SEPTIN14: variants seen among roughly 807,000 people sequenced by gnomAD.
SEPTIN14 encodes the protein septin-14.
A neutral mutation model predicts 53.6 loss-of-function variants in SEPTIN14; 40 were observed. That is an observed-to-expected ratio of 0.75 (90% CI 0.58 to 0.97). The LOEUF is 0.97. SEPTIN14 is among the 50% of genes least tolerant of loss of function. The pLI is 0.00. For synonymous variants in SEPTIN14, 138 were observed against 166.8 expected, an observed-to-expected ratio of 0.83 and a Z score of 1.33; for missense variants, 471 against 508.2, an observed-to-expected ratio of 0.93 and a Z score of 0.70.
At position 55,841,277 on chromosome 7, in the gene SEPTIN14, T is replaced by C. The variant is rs548228335; in HGVS notation, c.558+1665A>G. On this transcript the variant is annotated intron_variant, in intron 5 of 9. Coordinates refer to ENST00000388975, the MANE Select transcript of SEPTIN14 (RefSeq NM_207366.3). The stretch of plus-strand genomic sequence containing the variant: ...TGTGCAGGTTTGTTACTTACATATA[T>C]TGAATATTAGTGAGGTTTTGGTCTC... Among the ~76,000 whole-genome samples the C allele has an allele frequency of 7.2e-5, 11 of 152,284 alleles. No homozygotes were observed. In the East Asian group the frequency reaches 2.1e-3, roughly 29 times the overall value.
At chr7:55,854,417 A>G (rs1584274541) in intron 2 of SEPTIN14, among the ~76,000 whole-genome samples, 1 of 151,796 alleles carries the variant, frequency 6.6e-6, no homozygotes, top group East Asian at 1.9e-4. Flanking sequence ...TTGCCATTTT[A>G]TACATTGTAC....
chr7:55,806,721 C>A (rs1297143979), intron 8 of SEPTIN14, among the ~76,000 whole-genome samples: 1 of 152,060 alleles, frequency 6.6e-6, no homozygotes, highest in Non-Finnish European at 1.5e-5. Context: ...CCTCAGCCTC[C>A]CAAAGTGCTG....
At position 55,829,511 on chromosome 7, in the gene SEPTIN14, C is replaced by A. The variant is rs536130294; in HGVS notation, c.720+4914G>T. On this transcript the variant is annotated intron_variant, in intron 6 of 9. Transcript: ENST00000388975. ...GATAAAAGTGACATTACAACTGATA[C>A]CACAGAAAACAAAAGATCATCAGAG... is the stretch of plus-strand genomic sequence containing the variant. Among the ~76,000 whole-genome samples the A allele has an allele frequency of 2.8e-3, 424 of 152,102 alleles. 5 individuals carry two copies. Among genetic ancestry groups the A allele is most frequent in the Middle Eastern group, 0.01 (3 of 294 alleles).
In SEPTIN14 at chr7:55,829,899, C is replaced by T. The variant is rs555426708; in HGVS notation, c.720+4526G>A. Among the ~76,000 whole-genome samples, 3 of 148,752 alleles carry T rather than the reference C, an allele frequency of 2.0e-5. No homozygotes were observed. The South Asian group carries it at 6.5e-4, about 32-fold the overall frequency. ...AACTAAAAGACTTACATGCTTTTGGCCAGGCGCGGTGGCTCACGCCTGTAA... is the reference window on the plus strand; with the variant it reads ...AACTAAAAGACTTACATGCTTTTGGTCAGGCGCGGTGGCTCACGCCTGTAA... On this transcript the variant is annotated intron_variant, in intron 6 of 9. Transcript: ENST00000388975.
intron 9 of SEPTIN14, chr7:55,798,708 T>C: frequency 4.0e-6 from 1 of 250,478 alleles, no homozygotes; most frequent in South Asian, 4.3e-5. Flanking sequence ...AACTGGACCG[T>C]CAGCCAGATC....
At chr7:55,861,217 G>T (rs1789743642) in intron 2 of SEPTIN14, among the ~76,000 whole-genome samples, 1 of 152,168 alleles carries the variant, frequency 6.6e-6, no homozygotes, top group African/African-American at 2.4e-5. Flanking sequence ...GCAATGACAG[G>T]CCAGGCGCAG....
At chr7:55,838,093 A>G (rs1789241667) in intron 5 of SEPTIN14, among the ~76,000 whole-genome samples, 1 of 142,296 alleles carries the variant, frequency 7.0e-6, no homozygotes, top group African/African-American at 2.5e-5. Context: ...ACCAAACTAC[A>G]AAAAACTGCT....
chr7:55,839,250 G>A (rs1789264584), intron 5 of SEPTIN14, among the ~76,000 whole-genome samples: 3 of 151,966 alleles, frequency 2.0e-5, no homozygotes, highest in Non-Finnish European at 4.4e-5. Flanking sequence ...TTAGCCGGGC[G>A]TGGTAGCGGG....
Position 55,807,207 on chromosome 7 carries a change from C to G in SEPTIN14, c.869G>C (p.Cys290Ser), listed in dbSNP as rs1788623827. The G allele has an allele frequency of 6.2e-7, 1 of 1,606,538 alleles. No homozygotes were observed. Among genetic ancestry groups the G allele is most frequent in the Admixed American group, 1.7e-5 (1 of 58,296 alleles). The change falls in exon 8 of 10, where the codon TGT becomes TCT. Residue 290 changes from cysteine (C) to serine (S), a missense_variant. By Grantham distance (112) the Cys-to-Ser change is moderately radical. Transcript: ENST00000388975. Reference sequence around the variant, plus strand: ...TTCTTTTAGATTTTCCATATTGGTACAAAGAAGCATATCTCGGAGCTTAAC... The same window carrying G: ...TTCTTTTAGATTTTCCATATTGGTAGAAAGAAGCATATCTCGGAGCTTAAC... ...DFVKLRDMLL[C>S]TNMENLKEKT...
chr7:55,813,884 C>T (rs1399864799), intron 7 of SEPTIN14, among the ~76,000 whole-genome samples: 1 of 152,188 alleles, frequency 6.6e-6, no homozygotes, highest in Non-Finnish European at 1.5e-5. Context: ...GGGCCTTAAA[C>T]ATCAGTAGTA....
chr7:55,795,936 T>A lies in SEPTIN14; in HGVS notation c.1276A>T (p.Lys426Ter), dbSNP rs756871539. The A allele has an allele frequency of 1.9e-6, 3 of 1,594,516 alleles. No homozygotes were observed. In the East Asian group the frequency reaches 6.7e-5, roughly 36 times the overall value. Residue 426 changes from lysine (K) to a stop codon, truncating the protein, a stop_gained, in exon 10 of 10, where the codon AAA becomes TAA. Coordinates refer to ENST00000388975, the MANE Select transcript of SEPTIN14 (RefSeq NM_207366.3). LOFTEE classifies it high-confidence loss of function. Reference protein sequence around the residue: ...LQTQLSTDTKKDKHRKK With the variant: ...LQTQLSTDTK ...TATTATTTCTTACGATGTTTGTCTTTCTTTGTATCGGTGCTCAGCTGAGTC... is the reference window on the plus strand; with the variant it reads ...TATTATTTCTTACGATGTTTGTCTTACTTTGTATCGGTGCTCAGCTGAGTC...
At chr7:55,810,487 T>TC (rs1265133736) in intron 7 of SEPTIN14, among the ~76,000 whole-genome samples, 1 of 149,648 alleles carries the variant, frequency 6.7e-6, no homozygotes, top group Non-Finnish European at 1.5e-5. Flanking sequence ...TTTTTTTTTT[T>TC]TTTTTGAGGC....
chr7:55,851,840 C>T (rs1364210375), intron 2 of SEPTIN14, among the ~76,000 whole-genome samples: 1 of 151,740 alleles, frequency 6.6e-6, no homozygotes, highest in Non-Finnish European at 1.5e-5. Flanking sequence ...AACCCTGTCT[C>T]TACTAAAAAT....
At chr7:55,830,917 T>C (rs1789098995) in intron 6 of SEPTIN14, among the ~76,000 whole-genome samples, 1 of 152,116 alleles carries the variant, frequency 6.6e-6, no homozygotes, top group Non-Finnish European at 1.5e-5. Context: ...CCAGTCTTAC[T>C]GAAACTATTC....
chr7:55,844,507 A>T lies in SEPTIN14; in HGVS notation c.371+16T>A. 7.1e-7 allele frequency: 1 copy of T among 1,400,424 alleles called. No homozygotes were observed. Among genetic ancestry groups the T allele is most frequent in the Admixed American group, 2.3e-5 (1 of 43,394 alleles). The allele number at this position is 1,400,424 out of a possible 1,614,324, so 86.7% of individuals were successfully genotyped here. On this transcript the variant is annotated intron_variant, in intron 4 of 9. Transcript: ENST00000388975. ...AATAAGAAAACCTTTTTTAATTTAA[A>T]TAAGAAAACACTCACCTGGCTTCTT...
chr7:55,810,096 T>C (rs1423582876), intron 7 of SEPTIN14, among the ~76,000 whole-genome samples: 2 of 152,102 alleles, frequency 1.3e-5, no homozygotes, highest in East Asian at 1.9e-4. Flanking sequence ...CCTCCCAAAG[T>C]GCTGGGATTA....
Position 55,796,890 on chromosome 7 carries a change from C to T in SEPTIN14, c.1120-798G>A, listed in dbSNP as rs185830574. ...CTGTAATCCCAGCACTTTGGTAGGCCGAGGCAGGCAGATCACAAGGTCAGG... is the reference window on the plus strand; with the variant it reads ...CTGTAATCCCAGCACTTTGGTAGGCTGAGGCAGGCAGATCACAAGGTCAGG... On this transcript the variant is annotated intron_variant, in intron 9 of 9. Coordinates refer to ENST00000388975, the MANE Select transcript of SEPTIN14 (RefSeq NM_207366.3). Among the ~76,000 whole-genome samples the T allele has an allele frequency of 5.6e-3, 853 of 151,920 alleles. 4 individuals are homozygous for T. Among genetic ancestry groups the T allele is most frequent in the Non-Finnish European group, 9.2e-3 (622 of 67,936 alleles).
Position 55,857,582 on chromosome 7 carries a change from CTTTTTTTTTT to C in SEPTIN14, c.54+4351_54+4360del, listed in dbSNP as rs1162739964. 3.2e-4 allele frequency among the ~76,000 whole-genome samples: 7 copies of C among 21,602 alleles called. No homozygotes were observed. In the East Asian group the frequency reaches 0.019, roughly 58 times the overall value. 14.2% of individuals were successfully genotyped at this position (21,602 alleles called of 152,430 possible). On this transcript the variant is annotated intron_variant, in intron 2 of 9. Coordinates refer to ENST00000388975, the MANE Select transcript of SEPTIN14 (RefSeq NM_207366.3). ...GAGGGGAGGGGAGGGGAGCCTGTGT[CTTTTTTTTTT>C]TTTTTTTTTTTTTTTGAGACGGAGT...
At chr7:55,858,138 G>A (rs1237176907) in intron 2 of SEPTIN14, among the ~76,000 whole-genome samples, 1 of 152,158 alleles carries the variant, frequency 6.6e-6, no homozygotes, top group African/African-American at 2.4e-5. Flanking sequence ...TAGGGCGCTG[G>A]TGAAAGCACA....
Sources: allele counts gnomAD v4.1 joint callset (sites outside exome capture counted in the v4.1 genomes callset), GRCh38; gene constraint gnomAD v4.1.1; transcripts MANE v1.5; gene names NCBI Gene and HGNC (gene_info 2026-07-23, HGNC 2026-07-21).